Variants in CDKN2B-AS1 observed in about 807,000 individuals in gnomAD.
The protein encoded by CDKN2B-AS1 is CDKN2B antisense RNA 1 (non-protein coding).
At position 22,127,790 on chromosome 9, in the gene CDKN2B-AS1, C is replaced by T. The variant is rs144075773; in HGVS notation, n.1126C>T. ...AACCATGAAAACTCTAATTGTAGAACTCACTTCAGACTGAATTGACTTGGC... is the reference window on the plus strand; with the variant it reads ...AACCATGAAAACTCTAATTGTAGAATTCACTTCAGACTGAATTGACTTGGC... On this transcript the variant is annotated non_coding_transcript_exon_variant, in exon 5 of 5. Transcript: ENST00000650946. 2.4e-4 allele frequency among the ~76,000 whole-genome samples: 36 copies of T among 152,306 alleles called. No homozygotes were observed. The East Asian group carries it at 6.0e-3, about 25-fold the overall frequency.
At chr9:22,086,276 T>C (rs1824865743) in intron 4 of CDKN2B-AS1, among the ~76,000 whole-genome samples, 1 of 152,228 alleles carries the variant, frequency 6.6e-6, no homozygotes, top group African/African-American at 2.4e-5. Context: ...TACTCAGCCA[T>C]TTATTTTATT....
intron 4 of CDKN2B-AS1, chr9:22,097,339 T>A (rs1587528186): frequency 6.6e-6 from 1 of 151,834 alleles, no homozygotes; most frequent in African/African-American, 2.4e-5. Context: ...CATATGAGAG[T>A]TTAAGAACTC....
chr9:22,062,445 G>A (rs927542090), intron 4 of CDKN2B-AS1, among the ~76,000 whole-genome samples: 2 of 152,158 alleles, frequency 1.3e-5, no homozygotes, highest in Non-Finnish European at 2.9e-5. Flanking sequence ...GAAAATTTAG[G>A]TTGGTGTTAT....
chr9:22,073,342 A>C (rs754347260), intron 4 of CDKN2B-AS1, among the ~76,000 whole-genome samples: 11 of 152,210 alleles, frequency 7.2e-5, no homozygotes, highest in Non-Finnish European at 1.5e-4. Flanking sequence ...GTGTCCAACC[A>C]TAACTGACCC....
At chr9:22,052,914 C>A (rs1823414165) in intron 3 of CDKN2B-AS1, among the ~76,000 whole-genome samples, 1 of 152,200 alleles carries the variant, frequency 6.6e-6, no homozygotes, top group African/African-American at 2.4e-5. Context: ...TTTGATGATT[C>A]CACATTGTAG....
chr9:22,126,483 G>C (rs550401758), intron 4 of CDKN2B-AS1, among the ~76,000 whole-genome samples: 2 of 151,916 alleles, frequency 1.3e-5, no homozygotes, highest in East Asian at 3.9e-4. Flanking sequence ...GTTTAGTTGA[G>C]AGCAAAGTTT....
intron 1 of CDKN2B-AS1, among the ~76,000 whole-genome samples, chr9:22,032,235 CAT>C (rs1822508489): frequency 6.6e-6 from 1 of 152,112 alleles, no homozygotes; most frequent in South Asian, 2.1e-4. Flanking sequence ...GAGGTAGAAT[CAT>C]GTGGTTGTGA....
chr9:22,010,865 T>C (rs1024992387), intron 1 of CDKN2B-AS1, among the ~76,000 whole-genome samples: 3 of 152,248 alleles, frequency 2.0e-5, no homozygotes, highest in African/African-American at 7.2e-5. Flanking sequence ...TTGAGCCATT[T>C]TCTTAGGTAG....
chr9:22,003,965 C>A (rs559500160), intron 1 of CDKN2B-AS1: 1 of 232,658 alleles, frequency 4.3e-6, no homozygotes, highest in Admixed American at 5.6e-5. Flanking sequence ...GCAAGACAAC[C>A]ATAATCAGCT....
In CDKN2B-AS1 at chr9:22,000,426, TCTAA is replaced by T. The variant is rs1048803089; in HGVS notation, n.29+5269_29+5272del. Among the ~76,000 whole-genome samples the T allele has an allele frequency of 2.8e-4, 42 of 152,184 alleles. No homozygotes were observed. The highest frequency in any genetic ancestry group is 2.7e-3 in the Admixed American group (41 of 15,278). ...TTTGGAATAGTCTTACTGTGATAAG[TCTAA>T]CTATCAAAGGCAGTCCAGAGATTAG... On this transcript the variant is annotated intron_variant and non_coding_transcript_variant, in intron 1 of 4. Coordinates refer to ENST00000650946, the Ensembl canonical transcript of CDKN2B-AS1. This position sits in a 1 kb window ranked among gnomAD's most constrained non-coding sequence, Gnocchi z 4.1.
intron 4 of CDKN2B-AS1, among the ~76,000 whole-genome samples, chr9:22,090,399 A>G (rs151145305): frequency 1.3e-5 from 2 of 152,142 alleles, no homozygotes; most frequent in African/African-American, 4.8e-5. Flanking sequence ...TGAGGAATCG[A>G]CACACTGACT....
chr9:21,997,060 CA>C lies in CDKN2B-AS1; in HGVS notation n.29+1900del, dbSNP rs1346996772. On this transcript the variant is annotated intron_variant and non_coding_transcript_variant, in intron 1 of 4. Coordinates refer to ENST00000650946, the Ensembl canonical transcript of CDKN2B-AS1. This position sits in a 1 kb window ranked among gnomAD's most constrained non-coding sequence, Gnocchi z 4.8. ...TTGCTTAACAACAGGGATACATTCT[CA>C]GACATGTATCTTTAGGCGATTTCAT... Among the ~76,000 whole-genome samples, 1 of 152,160 alleles carries C rather than the reference CA, an allele frequency of 6.6e-6. No homozygotes were observed. Among genetic ancestry groups the C allele is most frequent in the Non-Finnish European group, 1.5e-5 (1 of 68,040 alleles).
intron 1 of CDKN2B-AS1, among the ~76,000 whole-genome samples, chr9:22,035,554 G>C (rs990516474): frequency 6.6e-6 from 1 of 152,134 alleles, no homozygotes; most frequent in Non-Finnish European, 1.5e-5. Flanking sequence ...AAGTCTAGGT[G>C]TGCCTAGCTT....
chr9:22,094,042 T>C (rs201759794), intron 4 of CDKN2B-AS1, among the ~76,000 whole-genome samples: 2 of 144,502 alleles, frequency 1.4e-5, no homozygotes, highest in African/African-American at 2.9e-5. Context: ...GCATTTGCTT[T>C]TCTGTAAAGT....
In CDKN2B-AS1 at chr9:22,006,054, A is replaced by C. The variant is rs1298213084; in HGVS notation, n.29+10893A>C. The C allele has an allele frequency of 6.2e-7, 1 of 1,605,616 alleles. No homozygotes were observed. Among genetic ancestry groups the C allele is most frequent in the South Asian group, 1.1e-5 (1 of 90,976 alleles). ...GTGGCCCCGCTCCTCGGCCAAGTCC[A>C]CGGGCAGACGACCCCAGGCATCGCG... On this transcript the variant is annotated intron_variant and non_coding_transcript_variant, in intron 1 of 4. Coordinates refer to ENST00000650946, the Ensembl canonical transcript of CDKN2B-AS1. The surrounding 1 kb of genome is among the most constrained non-coding windows in gnomAD (Gnocchi z 6.4).
intron 1 of CDKN2B-AS1, among the ~76,000 whole-genome samples, chr9:22,022,904 T>C (rs999055279): frequency 2.0e-5 from 3 of 152,234 alleles, no homozygotes; most frequent in African/African-American, 7.2e-5. Flanking sequence ...TGACCAGATA[T>C]AAAATTCTGG....
At chr9:22,058,466 G>A (rs1823668700) in intron 4 of CDKN2B-AS1, 1 of 152,212 alleles carries the variant, frequency 6.6e-6, no homozygotes, top group Non-Finnish European at 1.5e-5. Context: ...TTTTCTAGCA[G>A]AAGAACACTA....
In CDKN2B-AS1 at chr9:22,060,504, T is replaced by C. The variant is rs368958092; in HGVS notation, n.438+4117T>C. 9.2e-5 allele frequency among the ~76,000 whole-genome samples: 14 copies of C among 152,312 alleles called. 1 individual carries two copies. In the South Asian group the frequency reaches 2.9e-3, roughly 32 times the overall value. On this transcript the variant is annotated intron_variant and non_coding_transcript_variant, in intron 4 of 4. Transcript: ENST00000650946. Reference sequence around the variant, plus strand: ...ATTTTGGACAAAGCCATTAAACAAATCTCTAGGAAATTCTAAGCATTCCCA... The same window carrying C: ...ATTTTGGACAAAGCCATTAAACAAACCTCTAGGAAATTCTAAGCATTCCCA...
intron 4 of CDKN2B-AS1, among the ~76,000 whole-genome samples, chr9:22,121,697 G>T (rs73441291): frequency 6.6e-6 from 1 of 151,940 alleles, no homozygotes; most frequent in Non-Finnish European, 1.5e-5. Context: ...ACTTAACACA[G>T]TGTCCTCCAA....
Sources: allele counts gnomAD v4.1 joint callset (sites outside exome capture counted in the v4.1 genomes callset), GRCh38; gene constraint gnomAD v4.1.1; non-coding constraint Gnocchi (gnomAD v3.1); transcripts MANE v1.5; gene names NCBI Gene and HGNC (gene_info 2026-07-23, HGNC 2026-07-21).